Variants in PLEKHA5 observed in about 807,000 individuals in gnomAD.
PLEKHA5 encodes pleckstrin homology domain-containing family A member 5.
PLEKHA5 carries 55 observed loss-of-function variants against 181.9 expected under a neutral mutation model. The ratio of observed to expected loss-of-function variants is 0.30; its 90% CI spans 0.24 to 0.38. The LOEUF (loss-of-function observed/expected upper bound fraction) is 0.38, where lower values mean the gene tolerates loss of function less well. Ranked by LOEUF, PLEKHA5 falls within the 10% of genes least tolerant of loss-of-function variation. The pLI, the probability that PLEKHA5 is intolerant of heterozygous loss-of-function variation, is 1.00. For missense variants in PLEKHA5, 1,432 were observed against 1,549.5 expected, an observed-to-expected ratio of 0.92 and a Z score of 1.27; for synonymous variants, 535 against 529.4, an observed-to-expected ratio of 1.01 and a Z score of -0.15.
At chr12:19,138,029 A>C (rs1232806544) in intron 3 of PLEKHA5, among the ~76,000 whole-genome samples, 1 of 152,078 alleles carries the variant, frequency 6.6e-6, no homozygotes, top group East Asian at 1.9e-4. Context: ...GCTGGCCTAT[A>C]TTTAGGAAGG....
chr12:19,186,692 T>C (rs1297038398), intron 3 of PLEKHA5, among the ~76,000 whole-genome samples: 1 of 152,190 alleles, frequency 6.6e-6, no homozygotes, highest in Non-Finnish European at 1.5e-5. Context: ...TTTTTTGCTT[T>C]CTTCCTTTTT....
At chr12:19,283,236 TAACC>T in intron 11 of PLEKHA5, 40 bp from the exon 12 acceptor site, 18 of 1,193,108 alleles carry the variant, frequency 1.5e-5, no homozygotes, top group Non-Finnish European at 2.1e-5. Flanking sequence ...ATTTGGAAAA[TAACC>T]CTCCTTCATG....
chr12:19,164,726 T>C (rs2151544270), intron 3 of PLEKHA5, among the ~76,000 whole-genome samples: 1 of 152,260 alleles, frequency 6.6e-6, no homozygotes, highest in South Asian at 2.1e-4. Flanking sequence ...ATATCCTTAA[T>C]GTGTGCTTAT....
chr12:19,132,923 CTTTT>C (rs35045706), intron 3 of PLEKHA5, among the ~76,000 whole-genome samples: 25 of 118,252 alleles, frequency 2.1e-4, no homozygotes, highest in Non-Finnish European at 2.9e-4. Flanking sequence ...ACGTGAACAT[CTTTT>C]TTTTTTTTTT....
chr12:19,293,603 A>C (rs1011638754), intron 15 of PLEKHA5, among the ~76,000 whole-genome samples: 4 of 152,216 alleles, frequency 2.6e-5, no homozygotes, highest in African/African-American at 2.4e-5. Flanking sequence ...AATAGGTTTA[A>C]AAAACAATGA....
chr12:19,224,992 A>G (rs554810681), intron 3 of PLEKHA5, among the ~76,000 whole-genome samples: 1 of 152,170 alleles, frequency 6.6e-6, no homozygotes, highest in Non-Finnish European at 1.5e-5. Flanking sequence ...GCAAGACCTC[A>G]TCGCCATAAA....
intron 31 of PLEKHA5, chr12:19,373,761 T>G (rs1456468923): frequency 6.6e-6 from 1 of 152,194 alleles, no homozygotes; most frequent in Non-Finnish European, 1.5e-5. Context: ...ATTTCATCTA[T>G]GTAAAGACTT....
chr12:19,304,850 T>A (rs186192970), intron 15 of PLEKHA5, among the ~76,000 whole-genome samples: 1 of 151,784 alleles, frequency 6.6e-6, no homozygotes, highest in East Asian at 1.9e-4. Flanking sequence ...ATCCTACCAC[T>A]TTGGGAGGCC....
At chr12:19,349,740 G>GA (rs67664068) in intron 25 of PLEKHA5, among the ~76,000 whole-genome samples, 462 of 119,502 alleles carry the variant, frequency 3.9e-3, no homozygotes, top group African/African-American at 6.7e-3. Flanking sequence ...ACCAGAAACA[G>GA]AAAAAAAAAA....
chr12:19,300,326 A>G (rs774854093), intron 15 of PLEKHA5, among the ~76,000 whole-genome samples: 3 of 152,208 alleles, frequency 2.0e-5, no homozygotes, highest in Non-Finnish European at 4.4e-5. Flanking sequence ...ATCAGCTTCT[A>G]GCTATGGCTC....
At chr12:19,196,510 C>T (rs1213810948) in intron 3 of PLEKHA5, among the ~76,000 whole-genome samples, 3 of 152,070 alleles carry the variant, frequency 2.0e-5, no homozygotes, top group African/African-American at 7.2e-5. Flanking sequence ...GAAAACCTAC[C>T]CCTATGTGAT....
At chr12:19,356,316 A>T (rs978734439) in intron 26 of PLEKHA5, among the ~76,000 whole-genome samples, 2 of 152,054 alleles carry the variant, frequency 1.3e-5, no homozygotes, top group Admixed American at 6.6e-5. Flanking sequence ...GGAATTCAAG[A>T]CTAGCCTGAG....
intron 15 of PLEKHA5, chr12:19,307,108 G>A: frequency 2.0e-6 from 2 of 986,316 alleles, no homozygotes; most frequent in Non-Finnish European, 1.6e-6. Context: ...GAGCACTGTT[G>A]GTCCCAAGTT....
chr12:19,366,053 CTG>C lies in PLEKHA5; in HGVS notation c.3700_3701del (p.Val1234TyrfsTer8). ...AACAGTGTTGACGAACAGGAAGAAA[CTG>C]TTATTTCTTACGAATCAACTCCTGA... is the stretch of plus-strand genomic sequence containing the variant. On this transcript the variant is annotated frameshift_variant, in exon 30 of 32. Coordinates refer to ENST00000429027, the MANE Select transcript of PLEKHA5 (RefSeq NM_001256470.2). LOFTEE classifies it high-confidence loss of function. The C allele has an allele frequency of 1.2e-6, 2 of 1,610,432 alleles. No homozygotes were observed. The highest frequency in any genetic ancestry group is 1.7e-6 in the Non-Finnish European group (2 of 1,177,102).
At chr12:19,245,573 C>A (rs973241301) in intron 3 of PLEKHA5, among the ~76,000 whole-genome samples, 4 of 151,574 alleles carry the variant, frequency 2.6e-5, no homozygotes, top group African/African-American at 9.7e-5. Flanking sequence ...ACTAAAAATA[C>A]AAAAATTAGC....
intron 3 of PLEKHA5, among the ~76,000 whole-genome samples, chr12:19,197,987 G>A (rs532300771): frequency 4.0e-5 from 6 of 151,792 alleles, no homozygotes; most frequent in African/African-American, 7.3e-5. Flanking sequence ...CCTCCAAAAC[G>A]TATCCCAAAT....
At position 19,367,132 on chromosome 12, in the gene PLEKHA5, C is replaced by T. The variant is rs372940563; in HGVS notation, c.3754+1023C>T. Among the ~76,000 whole-genome samples, 305 of 152,074 alleles carry T rather than the reference C, an allele frequency of 2.0e-3. 1 individual carries two copies. Among genetic ancestry groups the T allele is most frequent in the South Asian group, 8.3e-3 (40 of 4,822 alleles). ...AACTCCTGACCTCCAGTGATCAGCG[C>T]GCCTCAACCTCCCAAAGTGCTGGGA... On this transcript the variant is annotated intron_variant, in intron 30 of 31. Transcript: ENST00000429027.
intron 26 of PLEKHA5, among the ~76,000 whole-genome samples, chr12:19,355,185 G>T (rs941109813): frequency 1.3e-5 from 2 of 152,058 alleles, no homozygotes; most frequent in African/African-American, 4.8e-5. Context: ...TTTGGAAAAT[G>T]CTGAGAACAC....
At chr12:19,358,157 A>G (rs907519697) in intron 26 of PLEKHA5, 71 bp from the exon 27 acceptor site, 7 of 1,042,636 alleles carry the variant, frequency 6.7e-6, no homozygotes, top group Non-Finnish European at 8.6e-6. Context: ...GCACTTTACA[A>G]CATTTTTTAT....
Sources: allele counts gnomAD v4.1 joint callset (sites outside exome capture counted in the v4.1 genomes callset), GRCh38; gene constraint gnomAD v4.1.1; transcripts MANE v1.5; gene names NCBI Gene and HGNC (gene_info 2026-07-23, HGNC 2026-07-21).